Variants in FSIP1 observed in about 807,000 individuals in gnomAD.
FSIP1 encodes fibrous sheath-interacting protein 1.
In FSIP1, 65 loss-of-function variants were observed where a neutral mutation model predicts 60.9. The ratio of observed to expected loss-of-function variants is 1.07; its 90% CI spans 0.87 to 1.31. The LOEUF (loss-of-function observed/expected upper bound fraction) is 1.31. Among genes scored for constraint, FSIP1 ranks in the 40% most tolerant of loss-of-function variants. The pLI is 0.00. For synonymous variants in FSIP1, 209 were observed against 221.2 expected, an observed-to-expected ratio of 0.94 and a Z score of 0.49; for missense variants, 675 against 665.5, an observed-to-expected ratio of 1.01 and a Z score of -0.16.
At chr15:39,663,802 A>C (rs80002367) in intron 10 of FSIP1, among the ~76,000 whole-genome samples, 1,807 of 152,348 alleles carry the variant, frequency 0.012, 44 homozygotes, top group African/African-American at 0.041. Flanking sequence ...CTAGGTTTTT[A>C]AAATGTTTCT....
At position 39,631,310 on chromosome 15, in the gene FSIP1, G is replaced by A. The variant is rs560380112; in HGVS notation, c.1189-13065C>T. Among the ~76,000 whole-genome samples the A allele has an allele frequency of 4.6e-5, 7 of 152,086 alleles. No homozygotes were observed. In the South Asian group the frequency reaches 6.2e-4, roughly 14 times the overall value. ...CCCGATGTCTTGTTCCTTCCAGAGC[G>A]CGCACTCCCCACATGACTTTGTATG... is the stretch of plus-strand genomic sequence containing the variant. On this transcript the variant is annotated intron_variant, in intron 10 of 11. Transcript: ENST00000350221.
At chr15:39,606,403 C>T (rs1000285269) in intron 11 of FSIP1, among the ~76,000 whole-genome samples, 13 of 152,140 alleles carry the variant, frequency 8.5e-5, no homozygotes, top group Non-Finnish European at 5.9e-5. Flanking sequence ...CATACAATGT[C>T]TAGTGGTCAA....
intron 10 of FSIP1, among the ~76,000 whole-genome samples, chr15:39,623,723 T>G (rs1891531540): frequency 6.6e-6 from 1 of 152,148 alleles, no homozygotes; most frequent in African/African-American, 2.4e-5. Flanking sequence ...AGTCATTTCA[T>G]GGACAACGAC....
chr15:39,645,488 CA>C (rs1892554629), intron 10 of FSIP1, among the ~76,000 whole-genome samples: 1 of 152,158 alleles, frequency 6.6e-6, no homozygotes, highest in African/African-American at 2.4e-5. Context: ...GCTGTGAATC[CA>C]AGCCTCCCTT....
intron 10 of FSIP1, among the ~76,000 whole-genome samples, chr15:39,703,575 T>C (rs1895147577): frequency 6.6e-6 from 1 of 152,088 alleles, no homozygotes. Context: ...TGGAAAAATA[T>C]CCAACTATCC....
chr15:39,773,643 G>T (rs1361131810), intron 2 of FSIP1, among the ~76,000 whole-genome samples: 1 of 152,150 alleles, frequency 6.6e-6, no homozygotes, highest in Non-Finnish European at 1.5e-5. Flanking sequence ...TTGCAGCCTG[G>T]ACAACATAGT....
chr15:39,604,516 A>G (rs1430444262), intron 11 of FSIP1, among the ~76,000 whole-genome samples: 1 of 152,240 alleles, frequency 6.6e-6, no homozygotes, highest in Non-Finnish European at 1.5e-5. Context: ...GAATTAAAGA[A>G]AATTAGTTGA....
intron 10 of FSIP1, among the ~76,000 whole-genome samples, chr15:39,660,609 A>G (rs114615386): frequency 0.015 from 2,331 of 152,360 alleles, 73 homozygotes; most frequent in African/African-American, 0.053. Flanking sequence ...GATAAAGTAC[A>G]TAAGTAAGAA....
chr15:39,701,016 G>T (rs1566891446), intron 10 of FSIP1, among the ~76,000 whole-genome samples: 1 of 152,156 alleles, frequency 6.6e-6, no homozygotes, highest in Non-Finnish European at 1.5e-5. Context: ...GCTGGGCATG[G>T]TGGTGCGTGC....
Position 39,694,942 on chromosome 15 carries a change from C to T in FSIP1, c.1188+18502G>A, listed in dbSNP as rs548727127. 3.9e-5 allele frequency among the ~76,000 whole-genome samples: 6 copies of T among 152,172 alleles called. No individual in the cohort carries two copies. The South Asian group carries it at 8.3e-4, about 21-fold the overall frequency. ...ACAATATAGAAAGGTCATAATCAAT[C>T]ACATAATCTCTTTCTTAGCCCATTT... On this transcript the variant is annotated intron_variant, in intron 10 of 11. Coordinates refer to ENST00000350221, the MANE Select transcript of FSIP1 (RefSeq NM_152597.5).
chr15:39,671,149 G>T (rs1893703598), intron 10 of FSIP1, among the ~76,000 whole-genome samples: 1 of 152,150 alleles, frequency 6.6e-6, no homozygotes, highest in Non-Finnish European at 1.5e-5. Context: ...CGCTTTTTGA[G>T]CATTTTATAT....
chr15:39,625,021 TTGTGGTGG>T (rs1891581579), intron 10 of FSIP1, among the ~76,000 whole-genome samples: 1 of 151,948 alleles, frequency 6.6e-6, no homozygotes, highest in Non-Finnish European at 1.5e-5. Context: ...GTCATGAACG[TTGTGGTGG>T]TGTGGGAAGC....
intron 5 of FSIP1, among the ~76,000 whole-genome samples, chr15:39,749,527 G>T (rs1246016740): frequency 6.6e-6 from 1 of 151,964 alleles, no homozygotes; most frequent in African/African-American, 2.4e-5. Flanking sequence ...AAATCAATCA[G>T]TGTGATATAT....
chr15:39,773,747 A>T (rs1485811977), intron 2 of FSIP1, among the ~76,000 whole-genome samples: 1 of 152,230 alleles, frequency 6.6e-6, no homozygotes, highest in Non-Finnish European at 1.5e-5. Context: ...ATGCTAGGAG[A>T]TAAAAGCCAG....
At chr15:39,766,501 C>A (rs920666013) in intron 3 of FSIP1, among the ~76,000 whole-genome samples, 1 of 152,200 alleles carries the variant, frequency 6.6e-6, no homozygotes, top group Non-Finnish European at 1.5e-5. Flanking sequence ...TCACTGTTCT[C>A]ATTTTACAAA....
intron 10 of FSIP1, among the ~76,000 whole-genome samples, chr15:39,641,978 G>T (rs965242261): frequency 2.0e-5 from 3 of 152,128 alleles, no homozygotes; most frequent in African/African-American, 7.2e-5. Flanking sequence ...GCAGTCACAA[G>T]AATAGGATGT....
At chr15:39,639,445 G>A (rs1433581450) in intron 10 of FSIP1, among the ~76,000 whole-genome samples, 2 of 152,154 alleles carry the variant, frequency 1.3e-5, no homozygotes, top group South Asian at 2.1e-4. Context: ...TTAGTTCAAG[G>A]CGATAAAAGC....
At chr15:39,729,912 G>A (rs748290386) in intron 8 of FSIP1, among the ~76,000 whole-genome samples, 84 of 152,104 alleles carry the variant, frequency 5.5e-4, no homozygotes, top group Non-Finnish European at 1.0e-3. Flanking sequence ...AGGAGGGAGA[G>A]GATGGAAAAA....
intron 10 of FSIP1, among the ~76,000 whole-genome samples, chr15:39,654,900 C>A (rs754240171): frequency 6.6e-6 from 1 of 152,170 alleles, no homozygotes; most frequent in Non-Finnish European, 1.5e-5. Flanking sequence ...TGCCCAGAGG[C>A]TTAAAGGCAA....
Sources: allele counts gnomAD v4.1 joint callset (sites outside exome capture counted in the v4.1 genomes callset), GRCh38; gene constraint gnomAD v4.1.1; transcripts MANE v1.5; gene names NCBI Gene and HGNC (gene_info 2026-07-23, HGNC 2026-07-21).